The following ADK variants were observed in gnomAD, a reference collection of about 807,000 sequenced individuals.
The protein encoded by ADK is adenosine kinase.
In ADK, 24 loss-of-function variants were observed where a neutral mutation model predicts 44.7. The ratio of observed to expected loss-of-function variants is 0.54; its 90% confidence interval spans 0.39 to 0.76. The LOEUF is 0.76. Among genes scored for constraint, ADK ranks in the 30% least tolerant of loss-of-function variants. The probability of loss-of-function intolerance (pLI) is 0.00; values close to 1 mark genes in which losing one functional copy is unlikely to be tolerated. For synonymous variants in ADK, 128 were observed against 142.6 expected (o/e 0.90, Z 0.73); for missense variants, 321 against 425.1 (o/e 0.76, Z 2.15).
Position 74,708,376 on chromosome 10 carries a change from C to T in ADK, c.1020C>T (p.Gly340=). 1 of 1,612,680 alleles carries T rather than the reference C, an allele frequency of 6.2e-7. No homozygotes were observed. The highest frequency in any genetic ancestry group is 2.2e-5 in the East Asian group (1 of 44,832). The change falls in exon 11 of 11, where the codon GGC becomes GGT. Residue 340 remains glycine, a synonymous_variant. Transcript: ENST00000539909. Reference sequence around the variant, plus strand: ...CTCTGACTGAATGTATCCGTGCTGGCCACTATGCAGCAAGCATCATAATTA... The same window carrying T: ...CTCTGACTGAATGTATCCGTGCTGGTCACTATGCAGCAAGCATCATAATTA... ...DKPLTECIRA[G]HYAASIIIRR...
chr10:74,391,551 A>AAG (rs1214676685), intron 4 of ADK, among the ~76,000 whole-genome samples: 1 of 151,796 alleles, frequency 6.6e-6, no homozygotes, highest in Non-Finnish European at 1.5e-5. Context: ...ATACTAAAAG[A>AAG]ATATATATGG....
At chr10:74,197,762 G>C (rs1021218407) in intron 1 of ADK, among the ~76,000 whole-genome samples, 4 of 149,712 alleles carry the variant, frequency 2.7e-5, no homozygotes, top group Non-Finnish European at 4.4e-5. Context: ...CTCTTGAATT[G>C]TACTTCATTC....
intron 9 of ADK, among the ~76,000 whole-genome samples, chr10:74,654,270 G>A (rs1251886340): frequency 6.6e-6 from 1 of 152,162 alleles, no homozygotes; most frequent in Non-Finnish European, 1.5e-5. Flanking sequence ...AAATAATTGG[G>A]ACCAGGCCGC....
intron 8 of ADK, among the ~76,000 whole-genome samples, chr10:74,594,478 A>AT (rs201163641): frequency 2.6e-5 from 4 of 152,074 alleles, no homozygotes; most frequent in Admixed American, 6.6e-5. Context: ...GATAGAACAT[A>AT]TTTTTTTAAA....
intron 6 of ADK, among the ~76,000 whole-genome samples, chr10:74,505,453 T>C (rs1848031439): frequency 6.6e-6 from 1 of 152,086 alleles, no homozygotes; most frequent in African/African-American, 2.4e-5. Flanking sequence ...TCCTGTGATA[T>C]GGTGTCTGTT....
At chr10:74,339,741 A>G (rs1253389935) in intron 4 of ADK, among the ~76,000 whole-genome samples, 1 of 152,208 alleles carries the variant, frequency 6.6e-6, no homozygotes, top group African/African-American at 2.4e-5. Flanking sequence ...AAAACATGAG[A>G]TTACCTAACC....
intron 6 of ADK, among the ~76,000 whole-genome samples, chr10:74,419,319 A>G (rs145092268): frequency 0.013 from 2,023 of 152,062 alleles, 69 homozygotes; most frequent in Admixed American, 0.063. Flanking sequence ...TCTTTGAAGT[A>G]TTTCCCCCCC....
At chr10:74,297,264 G>C (rs148108024) in intron 3 of ADK, among the ~76,000 whole-genome samples, 182 of 152,198 alleles carry the variant, frequency 1.2e-3, no homozygotes, top group Non-Finnish European at 2.3e-3. Flanking sequence ...ACAACATCTG[G>C]TATTTACTAT....
At chr10:74,517,688 CAAA>C (rs543658712) in intron 6 of ADK, among the ~76,000 whole-genome samples, 11 of 95,442 alleles carry the variant, frequency 1.2e-4, no homozygotes, top group Non-Finnish European at 9.0e-5. Flanking sequence ...GTCTCTGTCT[CAAA>C]AAAAAAAAAA....
chr10:74,500,287 C>A (rs557849230), intron 6 of ADK, among the ~76,000 whole-genome samples: 1 of 152,208 alleles, frequency 6.6e-6, no homozygotes, highest in Non-Finnish European at 1.5e-5. Flanking sequence ...CTTTTTCCCC[C>A]ACTCCAGTCA....
At chr10:74,380,508 A>G (rs1477854994) in intron 4 of ADK, among the ~76,000 whole-genome samples, 1 of 152,152 alleles carries the variant, frequency 6.6e-6, no homozygotes, top group Non-Finnish European at 1.5e-5. Flanking sequence ...CTGTAATCCC[A>G]GCACTTTGGG....
rs544111125 is a variant in ADK, at chr10:74,498,327, G to C, written c.556-26929G>C. Among the ~76,000 whole-genome samples the C allele has an allele frequency of 2.6e-3, 401 of 152,256 alleles. 1 individual carries two copies. Among genetic ancestry groups the C allele is most frequent in the Admixed American group, 5.4e-3 (82 of 15,304 alleles). On this transcript the variant is annotated intron_variant, in intron 6 of 10. Transcript: ENST00000539909. ...ACTGATCAGGTTTCCATGATAAATT[G>C]TTTAATTTTAAAACTTCTGTAGTAG...
At chr10:74,691,702 G>C (rs996310680) in intron 10 of ADK, among the ~76,000 whole-genome samples, 1 of 52,088 alleles carries the variant, frequency 1.9e-5, no homozygotes, top group South Asian at 5.9e-4. Context: ...AAAGTAAGTT[G>C]ACAAAGCACG....
intron 7 of ADK, among the ~76,000 whole-genome samples, chr10:74,536,421 G>C (rs1849449845): frequency 6.6e-6 from 1 of 151,612 alleles, no homozygotes; most frequent in Non-Finnish European, 1.5e-5. Context: ...CTATGTTCTT[G>C]TGATATAACC....
chr10:74,160,153 T>C (rs765416536), intron 1 of ADK, among the ~76,000 whole-genome samples: 15 of 152,180 alleles, frequency 9.9e-5, no homozygotes, highest in Admixed American at 4.6e-4. Context: ...CTGGACCAAA[T>C]TGAGGACTAG....
At chr10:74,376,602 T>C (rs1330989787) in intron 4 of ADK, among the ~76,000 whole-genome samples, 1 of 152,150 alleles carries the variant, frequency 6.6e-6, no homozygotes, top group Non-Finnish European at 1.5e-5. Context: ...CCCACCATCA[T>C]ATTATTCACA....
rs1450403594 is a variant in ADK, at chr10:74,351,200, C to T, written c.273+36455C>T. Among the ~76,000 whole-genome samples the T allele has an allele frequency of 2.0e-5, 3 of 152,168 alleles. No individual in the cohort carries two copies. The East Asian group carries it at 5.8e-4, about 29-fold the overall frequency. ...CTCAATAAAATGCTGGCAAACGAAT[C>T]CAGCGACATGTCAAAAAGCTTATCC... On this transcript the variant is annotated intron_variant, in intron 4 of 10. Coordinates refer to ENST00000539909, the MANE Select transcript of ADK (RefSeq NM_006721.4).
chr10:74,443,939 C>T (rs1845509345), intron 6 of ADK, among the ~76,000 whole-genome samples: 1 of 151,980 alleles, frequency 6.6e-6, no homozygotes, highest in African/African-American at 2.4e-5. Flanking sequence ...TAGTATTATT[C>T]ATTCCACTGT....
chr10:74,171,810 C>CTCTGTGTGTGTGTGTGTG (rs1554825180), intron 1 of ADK, among the ~76,000 whole-genome samples: 2 of 143,994 alleles, frequency 1.4e-5, no homozygotes, highest in African/African-American at 5.1e-5. Flanking sequence ...CTCTGTCTCT[C>CTCTGTGTGTGTGTGTGTG]TGTGTGTGTG....
Sources: gnomAD v4.1 joint callset for allele counts (sites outside exome capture counted in the v4.1 genomes callset) on GRCh38, gnomAD v4.1.1 for gene constraint, MANE v1.5 for transcripts, NCBI Gene and HGNC (gene_info 2026-07-23, HGNC 2026-07-21) for gene names.